The following PTPRT variants were observed in gnomAD, a reference collection of about 807,000 sequenced individuals.
The protein encoded by PTPRT is receptor-type tyrosine-protein phosphatase T.
In PTPRT, 56 loss-of-function variants were observed where a neutral mutation model predicts 176.8. The observed-to-expected ratio is 0.32, with a 90% CI of 0.26 to 0.40. PTPRT has a LOEUF of 0.40. Ranked by LOEUF, PTPRT falls within the 10% of genes least tolerant of loss-of-function variation. The pLI is 1.00. For synonymous variants in PTPRT, 783 were observed against 739.0 expected, an observed-to-expected ratio of 1.06 and a Z score of -0.96; for missense variants, 1,540 against 1,908.2, an observed-to-expected ratio of 0.81 and a Z score of 3.60.
chr20:42,257,114 G>C (rs1230809090), intron 13 of PTPRT, among the ~76,000 whole-genome samples: 1 of 152,192 alleles, frequency 6.6e-6, no homozygotes, highest in Non-Finnish European at 1.5e-5. Flanking sequence ...GGACAAGCAT[G>C]GGCTTCTTAT....
rs145893152 is a variant in PTPRT, at chr20:42,364,118, A to G, written c.1561-11833T>C. On this transcript the variant is annotated intron_variant, in intron 9 of 30. Coordinates refer to ENST00000373187, the MANE Select transcript of PTPRT (RefSeq NM_007050.6). The stretch of plus-strand genomic sequence containing the variant: ...GGACTTGATGCTAGAATGCATTTCC[A>G]AGCACCCCAGAGGGGTTTTCTGACC... 2.1e-3 allele frequency among the ~76,000 whole-genome samples: 319 copies of G among 152,226 alleles called. 2 individuals are homozygous for G. Among genetic ancestry groups the G allele is most frequent in the African/African-American group, 7.5e-3 (310 of 41,540 alleles).
chr20:42,327,080 G>GGTGTGTGT (rs139401290), intron 11 of PTPRT, among the ~76,000 whole-genome samples: 3,228 of 146,426 alleles, frequency 0.022, 57 homozygotes, highest in East Asian at 0.083. Flanking sequence ...ACTAGGTAGG[G>GGTGTGTGT]GTGTGTGTGT....
At chr20:43,107,245 G>C (rs1396129654) in intron 1 of PTPRT, among the ~76,000 whole-genome samples, 1 of 152,204 alleles carries the variant, frequency 6.6e-6, no homozygotes, top group Non-Finnish European at 1.5e-5. Flanking sequence ...GTCTCGGATT[G>C]ATATGCAGCT....
At chr20:42,394,425 T>A in intron 9 of PTPRT, among the ~76,000 whole-genome samples, 1 of 152,274 alleles carries the variant, frequency 6.6e-6, no homozygotes, top group South Asian at 2.1e-4. Context: ...TAAGAGATTC[T>A]TAGGAAGGGA....
intron 1 of PTPRT, among the ~76,000 whole-genome samples, chr20:43,116,297 C>A (rs1235282366): frequency 6.6e-6 from 1 of 152,152 alleles, no homozygotes; most frequent in Non-Finnish European, 1.5e-5. Flanking sequence ...GGAAAAGCAG[C>A]CATCACATCT....
chr20:43,025,541 G>GA (rs987909868), intron 1 of PTPRT, among the ~76,000 whole-genome samples: 5 of 152,130 alleles, frequency 3.3e-5, no homozygotes, highest in African/African-American at 9.7e-5. Context: ...GAATCTCCTG[G>GA]AAAAAATCAT....
At chr20:42,874,514 A>G (rs114228394) in intron 2 of PTPRT, among the ~76,000 whole-genome samples, 1,964 of 152,342 alleles carry the variant, frequency 0.013, 46 homozygotes, top group African/African-American at 0.045. Context: ...GCAAAAGTCC[A>G]CTTATGGTAT....
chr20:42,972,525 G>A (rs1982707117), intron 1 of PTPRT, among the ~76,000 whole-genome samples: 2 of 151,724 alleles, frequency 1.3e-5, no homozygotes, highest in Non-Finnish European at 2.9e-5. Context: ...AGCTGCTTGT[G>A]ATGGTGCACA....
At chr20:43,168,549 G>A (rs773380942) in intron 1 of PTPRT, among the ~76,000 whole-genome samples, 14 of 152,122 alleles carry the variant, frequency 9.2e-5, no homozygotes. Context: ...AATCTCTCAT[G>A]GAAAATAAAA....
At chr20:42,052,437 ATGTT>A in the PTPRT span, among the ~76,000 whole-genome samples, 1 of 152,068 alleles carries the variant, frequency 6.6e-6, no homozygotes. Flanking sequence ...GTACCTGCTT[ATGTT>A]TGTGTTTTGA....
At chr20:42,653,239 G>A (rs533127734) in intron 7 of PTPRT, among the ~76,000 whole-genome samples, 1 of 152,248 alleles carries the variant, frequency 6.6e-6, no homozygotes, top group African/African-American at 2.4e-5. Flanking sequence ...GCCACCATGT[G>A]AAGAAGGACA....
At chr20:42,529,496 A>G (rs1568953043) in intron 7 of PTPRT, among the ~76,000 whole-genome samples, 1 of 151,964 alleles carries the variant, frequency 6.6e-6, no homozygotes. Flanking sequence ...ATTTTATTTT[A>G]TTTTTTTGGA....
At chr20:42,282,986 C>T (rs1468998482) in intron 12 of PTPRT, among the ~76,000 whole-genome samples, 2 of 152,154 alleles carry the variant, frequency 1.3e-5, no homozygotes, top group Admixed American at 6.5e-5. Context: ...GGCAATAGTC[C>T]AGTCTATATG....
chr20:42,633,978 T>TA lies in PTPRT; in HGVS notation c.1153+43887_1153+43888insT, dbSNP rs111308039. Reference sequence around the variant, plus strand: ...ATTATATATAATATATTATAATATATTATATATTATATTATATATATTATA... The same window carrying TA: ...ATTATATATAATATATTATAATATATATATATATTATATTATATATATTATA... On this transcript the variant is annotated intron_variant, in intron 7 of 30. Transcript: ENST00000373187. Among the ~76,000 whole-genome samples, 92 of 29,576 alleles carry TA rather than the reference T, an allele frequency of 3.1e-3. 11 individuals are homozygous for TA. The highest frequency in any genetic ancestry group is 0.021 in the African/African-American group (89 of 4,160). 19.4% of individuals were successfully genotyped at this position (29,576 alleles called of 152,430 possible).
chr20:42,144,485 G>T (rs1988774033), intron 17 of PTPRT, among the ~76,000 whole-genome samples: 2 of 151,800 alleles, frequency 1.3e-5, no homozygotes, highest in Admixed American at 1.3e-4. Flanking sequence ...AGTTTAAGAG[G>T]ATGGCAACCA....
At chr20:42,769,476 T>A (rs1000827132) in intron 5 of PTPRT, among the ~76,000 whole-genome samples, 2 of 152,108 alleles carry the variant, frequency 1.3e-5, no homozygotes, top group East Asian at 3.9e-4. Context: ...CCATACTGAG[T>A]GCTGGTGAGG....
At chr20:42,885,970 G>A (rs766621115) in intron 1 of PTPRT, 38 bp from the exon 2 acceptor site, 3 of 1,539,098 alleles carry the variant, frequency 1.9e-6, no homozygotes, top group African/African-American at 2.7e-5. Context: ...ACATTCCCGT[G>A]TCTGAGGCTT....
At chr20:42,049,868 T>C in the PTPRT span, among the ~76,000 whole-genome samples, 3 of 152,152 alleles carry the variant, frequency 2.0e-5, no homozygotes, top group Admixed American at 2.0e-4. Flanking sequence ...TCAGCATCCC[T>C]CTGCAAGTTG....
intron 15 of PTPRT, among the ~76,000 whole-genome samples, chr20:42,215,345 G>T (rs1054435892): frequency 6.6e-6 from 1 of 152,162 alleles, no homozygotes; most frequent in Non-Finnish European, 1.5e-5. Context: ...CTATAGAATA[G>T]AATTTAATAT....
Sources: gnomAD v4.1 joint callset for allele counts (sites outside exome capture counted in the v4.1 genomes callset) on GRCh38, gnomAD v4.1.1 for gene constraint, MANE v1.5 for transcripts, NCBI Gene and HGNC (gene_info 2026-07-23, HGNC 2026-07-21) for gene names.